CFAP58: variants seen among roughly 807,000 people sequenced by gnomAD.
CFAP58 encodes cilia- and flagella-associated protein 58.
In CFAP58, 88 loss-of-function variants were observed where a neutral mutation model predicts 119.5. That is an observed-to-expected ratio of 0.74 (90% CI 0.62 to 0.88). CFAP58 has a LOEUF of 0.88. Among genes scored for constraint, CFAP58 ranks in the 40% least tolerant of loss-of-function variants. The pLI is 0.00. For missense variants in CFAP58, 990 were observed against 1,021.2 expected (o/e 0.97, Z 0.42); for synonymous variants, 365 against 366.3 (o/e 1.00, Z 0.04).
intron 7 of CFAP58, among the ~76,000 whole-genome samples, chr10:104,374,079 C>T (rs1047901008): frequency 1.3e-5 from 2 of 152,070 alleles, no homozygotes; most frequent in African/African-American, 4.8e-5. Context: ...TTAAAATTTT[C>T]TATATTCTGT....
chr10:104,382,728 C>A (rs1222828958), intron 9 of CFAP58, among the ~76,000 whole-genome samples: 1 of 152,100 alleles, frequency 6.6e-6, no homozygotes, highest in Non-Finnish European at 1.5e-5. Flanking sequence ...TTTAGAAGTT[C>A]CTCCTTCATT....
upstream of CFAP58, chr10:104,353,001 A>G (rs951832575): frequency 2.6e-5 from 4 of 152,284 alleles, no homozygotes; most frequent in East Asian, 1.9e-4. Flanking sequence ...ATGAATGCCT[A>G]TGGGGTTGAG....
chr10:104,376,437 G>A (rs1390902477), intron 7 of CFAP58, among the ~76,000 whole-genome samples: 2 of 150,882 alleles, frequency 1.3e-5, no homozygotes, highest in Non-Finnish European at 3.0e-5. Flanking sequence ...CCTGGGAGGC[G>A]GAGGTTGTAG....
upstream of CFAP58, among the ~76,000 whole-genome samples, chr10:104,350,268 C>G (rs1301621032): frequency 6.6e-6 from 1 of 152,166 alleles, no homozygotes; most frequent in Non-Finnish European, 1.5e-5. Context: ...AATAGAAGCA[C>G]TCATTTGTCT....
chr10:104,429,073 G>A (rs2012800291), intron 15 of CFAP58, among the ~76,000 whole-genome samples: 1 of 152,208 alleles, frequency 6.6e-6, no homozygotes, highest in South Asian at 2.1e-4. Flanking sequence ...GTACAGTTCT[G>A]CATTGCCCTC....
Position 104,400,733 on chromosome 10 carries a change from G to A in CFAP58, c.1869G>A (p.Glu623=). Residue 623 remains glutamate, a synonymous_variant, in exon 13 of 18, where the codon GAG becomes GAA. Transcript: ENST00000369704. ...LGSQLVRRND[E]LALLYEKIKI... ...CTCAGCTTGTTCGGCGCAATGATGA[G>A]TTAGCTTTGCTCTATGAGAAGATCA... is the stretch of plus-strand genomic sequence containing the variant. 2 of 1,614,162 alleles carry A rather than the reference G, an allele frequency of 1.2e-6. No homozygotes were observed. Among genetic ancestry groups the A allele is most frequent in the Non-Finnish European group, 1.7e-6 (2 of 1,180,036 alleles).
In CFAP58 at chr10:104,380,238, G is replaced by A; in HGVS notation, c.1365+18G>A. On this transcript the variant is annotated intron_variant, in intron 9 of 17. Transcript: ENST00000369704. ...CGCAAAAGGTAAGCTGCTCAGTGAT[G>A]TTGTGGGTGGAGCAGAGGCACATTC... The A allele has an allele frequency of 6.2e-7, 1 of 1,607,722 alleles. No individual in the cohort carries two copies. The highest frequency in any genetic ancestry group is 8.5e-7 in the Non-Finnish European group (1 of 1,176,060).
intron 9 of CFAP58, among the ~76,000 whole-genome samples, chr10:104,384,523 A>G (rs2011882480): frequency 6.6e-6 from 1 of 152,234 alleles, no homozygotes; most frequent in South Asian, 2.1e-4. Flanking sequence ...AATGGCTTCT[A>G]GAAGCCCCAC....
intron 3 of CFAP58, among the ~76,000 whole-genome samples, chr10:104,363,875 A>G (rs372398783): frequency 6.6e-6 from 1 of 152,242 alleles, no homozygotes; most frequent in Non-Finnish European, 1.5e-5. Flanking sequence ...CAGCTCCAAG[A>G]GCTGCCTTGC....
At chr10:104,373,466 T>G (rs2014849815) in intron 7 of CFAP58, among the ~76,000 whole-genome samples, 1 of 151,618 alleles carries the variant, frequency 6.6e-6, no homozygotes, top group Non-Finnish European at 1.5e-5. Flanking sequence ...AGATACTATC[T>G]CTTCAAAAAA....
At chr10:104,449,971 T>C (rs2013168250) in intron 16 of CFAP58, 100 bp from the exon 17 acceptor site, 1 of 1,190,088 alleles carries the variant, frequency 8.4e-7, no homozygotes, top group African/African-American at 1.5e-5. Flanking sequence ...GGCATTGTTT[T>C]GCACCTCTAG....
At chr10:104,432,074 T>C (rs2012856199) in intron 15 of CFAP58, among the ~76,000 whole-genome samples, 1 of 152,170 alleles carries the variant, frequency 6.6e-6, no homozygotes, top group Non-Finnish European at 1.5e-5. Flanking sequence ...CTCTAGGGTA[T>C]GTATCTACAA....
intron 1 of CFAP58, among the ~76,000 whole-genome samples, chr10:104,357,975 G>T (rs866060555): frequency 2.4e-5 from 3 of 124,280 alleles, no homozygotes; most frequent in African/African-American, 1.1e-4. Context: ...GTACACATAT[G>T]TACATATGTA....
intron 1 of CFAP58, among the ~76,000 whole-genome samples, chr10:104,358,102 C>CATATACACACATATATATGTACTT (rs1564876597): frequency 5.5e-5 from 8 of 146,328 alleles, no homozygotes; most frequent in African/African-American, 2.1e-4. Context: ...TATATATGTA[C>CATATACACACATATATATGTACTT]ATATATACAC....
At chr10:104,449,324 G>A (rs1303945983) in intron 16 of CFAP58, among the ~76,000 whole-genome samples, 17 of 152,124 alleles carry the variant, frequency 1.1e-4, no homozygotes, top group Admixed American at 9.8e-4. Context: ...ACAAGCAAGA[G>A]GAAAAATAAA....
intron 2 of CFAP58, among the ~76,000 whole-genome samples, chr10:104,359,790 C>T (rs112897125): frequency 0.21 from 32,673 of 151,990 alleles, 3,961 homozygotes; most frequent in Middle Eastern, 0.29. Context: ...AGCAAGACTC[C>T]GTCTCCAAAA....
chr10:104,379,142 C>T (rs752418869), intron 8 of CFAP58, among the ~76,000 whole-genome samples: 4 of 151,862 alleles, frequency 2.6e-5, no homozygotes, highest in African/African-American at 4.8e-5. Context: ...CCAGAAGAAA[C>T]CCTGTACCTA....
At chr10:104,346,837 T>G in the CFAP58 span, among the ~76,000 whole-genome samples, 2 of 151,762 alleles carry the variant, frequency 1.3e-5, no homozygotes, top group Non-Finnish European at 2.9e-5. Context: ...GATTTCACCA[T>G]GTTGGCCACG....
chr10:104,384,304 A>G (rs530740336), intron 9 of CFAP58, among the ~76,000 whole-genome samples: 22 of 152,326 alleles, frequency 1.4e-4, no homozygotes, highest in African/African-American at 5.1e-4. Flanking sequence ...GTGGACTGGG[A>G]CTTGGCATGT....
Sources: gnomAD v4.1 joint callset for allele counts (sites outside exome capture counted in the v4.1 genomes callset) on GRCh38, gnomAD v4.1.1 for gene constraint, MANE v1.5 for transcripts, NCBI Gene and HGNC (gene_info 2026-07-23, HGNC 2026-07-21) for gene names.